Variants in LHFPL6 observed in about 807,000 individuals in gnomAD.
The protein encoded by LHFPL6 is LHFPL tetraspan subfamily member 6 protein.
A neutral mutation model predicts 20.6 loss-of-function variants in LHFPL6; 9 were observed. The ratio of observed to expected loss-of-function variants is 0.44; its 90% CI spans 0.26 to 0.76. The LOEUF (loss-of-function observed/expected upper bound fraction) is 0.76. LHFPL6 is among the 30% of genes least tolerant of loss of function. The pLI is 0.20. For missense variants in LHFPL6, 218 were observed against 253.5 expected (o/e 0.86, Z 0.95); for synonymous variants, 105 against 98.7 (o/e 1.06, Z -0.38).
intron 2 of LHFPL6, among the ~76,000 whole-genome samples, chr13:39,382,072 G>A (rs74316880): frequency 0.011 from 1,610 of 152,224 alleles, 33 homozygotes; most frequent in African/African-American, 0.037. Context: ...TTAGGTTATG[G>A]TTCATCCTCA....
intron 2 of LHFPL6, among the ~76,000 whole-genome samples, chr13:39,515,402 G>A (rs902179375): frequency 6.6e-6 from 1 of 152,200 alleles, no homozygotes; most frequent in African/African-American, 2.4e-5. Flanking sequence ...TACAACATAT[G>A]ATCCAAACAC....
intron 2 of LHFPL6, among the ~76,000 whole-genome samples, chr13:39,391,076 G>T (rs1870697577): frequency 6.6e-6 from 1 of 152,132 alleles, no homozygotes; most frequent in South Asian, 2.1e-4. Context: ...AAAAGCCTCA[G>T]TACTAATGAA....
intron 2 of LHFPL6, among the ~76,000 whole-genome samples, chr13:39,538,588 T>C (rs1593354689): frequency 6.6e-6 from 1 of 151,078 alleles, no homozygotes; most frequent in Non-Finnish European, 1.5e-5. Context: ...AAGGTACATA[T>C]CTTGATTAAA....
chr13:39,485,961 C>A (rs914591089), intron 2 of LHFPL6, among the ~76,000 whole-genome samples: 2 of 152,098 alleles, frequency 1.3e-5, no homozygotes, highest in Non-Finnish European at 2.9e-5. Flanking sequence ...CTTTCAGCAA[C>A]CTCCAAGATA....
chr13:39,570,263 C>T (rs935010539), intron 2 of LHFPL6, among the ~76,000 whole-genome samples: 10 of 152,250 alleles, frequency 6.6e-5, no homozygotes, highest in African/African-American at 2.2e-4. Flanking sequence ...ATCTCAGCCT[C>T]CTGAATAGCC....
intron 2 of LHFPL6, among the ~76,000 whole-genome samples, chr13:39,569,156 C>CGGATGGATGGATGGATGGAT (rs59443260): frequency 5.1e-5 from 5 of 97,356 alleles, no homozygotes; most frequent in South Asian, 6.6e-4. Flanking sequence ...GATGGACGGA[C>CGGATGGATGGATGGATGGAT]GGATGGATGG....
intron 2 of LHFPL6, among the ~76,000 whole-genome samples, chr13:39,558,110 T>C (rs1871363438): frequency 6.6e-6 from 1 of 152,186 alleles, no homozygotes; most frequent in African/African-American, 2.4e-5. Context: ...CTTAATGTAA[T>C]GCAAGAGCAG....
intron 3 of LHFPL6, among the ~76,000 whole-genome samples, chr13:39,373,174 CCAATATGG>C (rs377680902): frequency 0.016 from 2,484 of 152,306 alleles, 33 homozygotes; most frequent in Non-Finnish European, 0.025. Flanking sequence ...CAAACATCAC[CCAATATGG>C]AAACAAATTA....
intron 2 of LHFPL6, among the ~76,000 whole-genome samples, chr13:39,426,355 G>T (rs1440304445): frequency 6.6e-6 from 1 of 151,812 alleles, no homozygotes; most frequent in Non-Finnish European, 1.5e-5. Context: ...CGAGTAGCAG[G>T]GATTACAGGC....
intron 2 of LHFPL6, among the ~76,000 whole-genome samples, chr13:39,580,901 G>A (rs1023462870): frequency 6.6e-6 from 1 of 152,146 alleles, no homozygotes. Flanking sequence ...TGCTTTGCAC[G>A]ACAACACATG....
intron 2 of LHFPL6, among the ~76,000 whole-genome samples, chr13:39,437,903 A>AG: frequency 6.7e-6 from 1 of 150,326 alleles, no homozygotes; most frequent in East Asian, 1.9e-4. Context: ...CTCCGTCTCA[A>AG]AAAAAAAAAA....
chr13:39,361,373 A>G (rs932220739), intron 3 of LHFPL6, among the ~76,000 whole-genome samples: 4 of 151,224 alleles, frequency 2.6e-5, no homozygotes, highest in African/African-American at 9.7e-5. Context: ...GCTGGAGTGC[A>G]GTGGCGTGAT....
At chr13:39,594,322 T>C (rs9548838) in intron 2 of LHFPL6, among the ~76,000 whole-genome samples, 111,269 of 152,102 alleles carry the variant, frequency 0.73, 42,105 homozygotes, top group East Asian at 0.86. Context: ...GAACAGACAC[T>C]TCTCAAAAGA....
intron 3 of LHFPL6, among the ~76,000 whole-genome samples, chr13:39,374,314 G>A (rs192733226): frequency 4.6e-5 from 7 of 152,200 alleles, no homozygotes; most frequent in African/African-American, 1.7e-4. Flanking sequence ...ATATTAATAA[G>A]TGGGAGCTAA....
chr13:39,431,722 G>GC (rs1225877127), intron 2 of LHFPL6, among the ~76,000 whole-genome samples: 1 of 147,692 alleles, frequency 6.8e-6, no homozygotes, highest in East Asian at 2.1e-4. Flanking sequence ...ATTTGTGGGG[G>GC]GGGGGGGCTT....
At chr13:39,547,021 C>T (rs951138734) in intron 2 of LHFPL6, among the ~76,000 whole-genome samples, 2 of 151,982 alleles carry the variant, frequency 1.3e-5, no homozygotes, top group Non-Finnish European at 2.9e-5. Context: ...CTAATAACCA[C>T]CCCCTGCCTC....
At chr13:39,459,734 C>A (rs1872648800) in intron 2 of LHFPL6, among the ~76,000 whole-genome samples, 2 of 152,126 alleles carry the variant, frequency 1.3e-5, no homozygotes, top group Non-Finnish European at 1.5e-5. Context: ...GACAAGACAG[C>A]CTGAGGGTCC....
intron 2 of LHFPL6, among the ~76,000 whole-genome samples, chr13:39,496,009 T>C (rs1489188183): frequency 1.3e-5 from 2 of 152,008 alleles, no homozygotes; most frequent in African/African-American, 4.8e-5. Context: ...AAATAGTGGA[T>C]ATAAAGGGTC....
At chr13:39,490,111 A>C (rs1868870326) in intron 2 of LHFPL6, among the ~76,000 whole-genome samples, 1 of 151,890 alleles carries the variant, frequency 6.6e-6, no homozygotes, top group Non-Finnish European at 1.5e-5. Context: ...AAAAAACAGG[A>C]AACGTCACAG....
Sources: gnomAD v4.1 joint callset for allele counts (sites outside exome capture counted in the v4.1 genomes callset) on GRCh38, gnomAD v4.1.1 for gene constraint, MANE v1.5 for transcripts, NCBI Gene and HGNC (gene_info 2026-07-23, HGNC 2026-07-21) for gene names.